Variants in ARHGAP15 observed in about 807,000 individuals in gnomAD.
ARHGAP15 encodes the protein Rho GTPase activating protein 15.
In ARHGAP15, 51 loss-of-function variants were observed where a neutral mutation model predicts 63.7. The ratio of observed to expected loss-of-function variants is 0.80; its 90% CI spans 0.64 to 1.01. The LOEUF (loss-of-function observed/expected upper bound fraction) is 1.01, where lower values mean the gene tolerates loss of function less well. Ranked by LOEUF, ARHGAP15 falls within the 50% of genes least tolerant of loss-of-function variation. The probability of loss-of-function intolerance (pLI) is 0.00; values close to 1 mark genes in which losing one functional copy is unlikely to be tolerated. For missense variants in ARHGAP15, 560 were observed against 564.6 expected, an observed-to-expected ratio of 0.99 and a Z score of 0.08; for synonymous variants, 191 against 193.8, an observed-to-expected ratio of 0.99 and a Z score of 0.12.
chr2:143,648,002 C>T (rs918441833), intron 12 of ARHGAP15, among the ~76,000 whole-genome samples: 2 of 151,972 alleles, frequency 1.3e-5, no homozygotes, highest in African/African-American at 2.4e-5. Flanking sequence ...TATTAATCCT[C>T]GGAATATTAG....
intron 8 of ARHGAP15, among the ~76,000 whole-genome samples, chr2:143,483,311 C>T (rs946172062): frequency 9.9e-5 from 15 of 151,934 alleles, no homozygotes; most frequent in East Asian, 1.9e-4. Context: ...AGCATTTATA[C>T]GTCATGTGTG....
At chr2:143,185,586 G>C (rs1691412471) in intron 2 of ARHGAP15, among the ~76,000 whole-genome samples, 1 of 152,128 alleles carries the variant, frequency 6.6e-6, no homozygotes, top group Non-Finnish European at 1.5e-5. Flanking sequence ...GTGTGTTTGA[G>C]GGTGGTCAAA....
intron 6 of ARHGAP15, among the ~76,000 whole-genome samples, chr2:143,382,931 A>G (rs569542083): frequency 5.3e-5 from 8 of 152,348 alleles, no homozygotes; most frequent in African/African-American, 1.9e-4. Flanking sequence ...AGTGAACTGT[A>G]TAAAATTTGC....
chr2:143,377,038 T>G (rs1686844019), intron 6 of ARHGAP15, among the ~76,000 whole-genome samples: 1 of 152,106 alleles, frequency 6.6e-6, no homozygotes, highest in Non-Finnish European at 1.5e-5. Context: ...GCTCCCTTAT[T>G]GAGGAAGTAC....
chr2:143,348,166 T>C (rs906157548), intron 6 of ARHGAP15, among the ~76,000 whole-genome samples: 1 of 152,166 alleles, frequency 6.6e-6, no homozygotes, highest in Admixed American at 6.6e-5. Flanking sequence ...TTGTCATATT[T>C]GTGTTGGTGA....
chr2:143,438,071 A>C lies in ARHGAP15; in HGVS notation c.703+1029A>C, dbSNP rs533091774. Reference sequence around the variant, plus strand: ...GGAACCAGAGAAAACCTATTTCCCAAAGTCTTAAAAATTATAGTATTTTGG... The same window carrying C: ...GGAACCAGAGAAAACCTATTTCCCACAGTCTTAAAAATTATAGTATTTTGG... On this transcript the variant is annotated intron_variant, in intron 8 of 13. Transcript: ENST00000295095. Among the ~76,000 whole-genome samples, 138 of 152,250 alleles carry C rather than the reference A, an allele frequency of 9.1e-4. 3 individuals are homozygous for C. In the South Asian group the frequency reaches 0.028, roughly 31 times the overall value.
At position 143,294,869 on chromosome 2, in the gene ARHGAP15, C is replaced by CAGA. The variant is rs560295708; in HGVS notation, c.474+44274_474+44276dup. ...AGGTGACCTCTACTTGGAGAGAAAC[C>CAGA]AGAAGAAAATTTAATTGAATTCTAA... On this transcript the variant is annotated intron_variant, in intron 6 of 13. Coordinates refer to ENST00000295095, the MANE Select transcript of ARHGAP15 (RefSeq NM_018460.4). Among the ~76,000 whole-genome samples, 6 of 152,018 alleles carry CAGA rather than the reference C, an allele frequency of 3.9e-5. No homozygotes were observed. In the South Asian group the frequency reaches 1.2e-3, roughly 32 times the overall value.
chr2:143,343,669 T>C (rs1574306610), intron 6 of ARHGAP15, among the ~76,000 whole-genome samples: 1 of 152,178 alleles, frequency 6.6e-6, no homozygotes, highest in East Asian at 1.9e-4. Context: ...AGCTTTACTA[T>C]AAATATTGAC....
chr2:143,448,773 A>G (rs980760484), intron 8 of ARHGAP15, among the ~76,000 whole-genome samples: 2 of 151,946 alleles, frequency 1.3e-5, no homozygotes, highest in Admixed American at 6.6e-5. Flanking sequence ...CTTGTTAGTA[A>G]ATATGGCCTC....
At chr2:143,687,033 G>A (rs1000051461) in intron 12 of ARHGAP15, among the ~76,000 whole-genome samples, 30 of 152,286 alleles carry the variant, frequency 2.0e-4, no homozygotes, top group African/African-American at 7.0e-4. Flanking sequence ...CTAGTTGATC[G>A]ACAGATATTA....
chr2:143,488,272 G>A (rs1049518554), intron 9 of ARHGAP15, among the ~76,000 whole-genome samples: 1 of 152,092 alleles, frequency 6.6e-6, no homozygotes, highest in Non-Finnish European at 1.5e-5. Context: ...AGAGTTTCTG[G>A]AACAAAAGTA....
chr2:143,241,833 G>A (rs1385641902), intron 5 of ARHGAP15, among the ~76,000 whole-genome samples: 3 of 152,326 alleles, frequency 2.0e-5, no homozygotes, highest in East Asian at 3.9e-4. Context: ...AGAGAGTGAA[G>A]TGAAAAGGAA....
chr2:143,695,486 T>C (rs535850483), intron 12 of ARHGAP15, among the ~76,000 whole-genome samples: 1 of 152,238 alleles, frequency 6.6e-6, no homozygotes, highest in South Asian at 2.1e-4. Context: ...GGAGTGCAAG[T>C]TTGGTTTAAG....
At chr2:143,673,744 G>GTATATATA (rs1682655962) in intron 12 of ARHGAP15, among the ~76,000 whole-genome samples, 4 of 24,694 alleles carry the variant, frequency 1.6e-4, no homozygotes, top group Non-Finnish European at 5.9e-4. Context: ...GTGTGTGTGT[G>GTATATATA]TGTGTGTGTG....
At chr2:143,142,667 T>C (rs1430116234) in intron 1 of ARHGAP15, among the ~76,000 whole-genome samples, 1 of 152,076 alleles carries the variant, frequency 6.6e-6, no homozygotes, top group Non-Finnish European at 1.5e-5. Flanking sequence ...TTTGCATACC[T>C]TGTGTTGTGA....
chr2:143,557,967 A>G (rs1002851673), intron 11 of ARHGAP15, among the ~76,000 whole-genome samples: 1 of 152,060 alleles, frequency 6.6e-6, no homozygotes, highest in Admixed American at 6.6e-5. Flanking sequence ...TCTGTTTCCT[A>G]TCAGGAAAAA....
At chr2:143,446,635 T>A (rs1463176028) in intron 8 of ARHGAP15, among the ~76,000 whole-genome samples, 1 of 119,688 alleles carries the variant, frequency 8.4e-6, no homozygotes, top group Non-Finnish European at 1.8e-5. Context: ...ATTTCCATTC[T>A]TTTTTTTTTT....
At chr2:143,366,428 C>T (rs570552248) in intron 6 of ARHGAP15, among the ~76,000 whole-genome samples, 1 of 152,050 alleles carries the variant, frequency 6.6e-6, no homozygotes, top group East Asian at 1.9e-4. Flanking sequence ...AAATTTATAT[C>T]AAACTGCCTA....
At chr2:143,184,724 C>T (rs1448617239) in intron 2 of ARHGAP15, among the ~76,000 whole-genome samples, 1 of 152,038 alleles carries the variant, frequency 6.6e-6, no homozygotes, top group Non-Finnish European at 1.5e-5. Context: ...TTCTGTTGCC[C>T]AGACTGGAGT....
Sources: allele counts gnomAD v4.1 joint callset (sites outside exome capture counted in the v4.1 genomes callset), GRCh38; gene constraint gnomAD v4.1.1; transcripts MANE v1.5; gene names NCBI Gene and HGNC (gene_info 2026-07-23, HGNC 2026-07-21).